Variants in PRKD3 observed in about 807,000 individuals in gnomAD.
PRKD3 encodes serine/threonine-protein kinase D3.
In PRKD3, 47 loss-of-function variants were observed where a neutral mutation model predicts 99.2. That is an observed-to-expected ratio of 0.47 (90% CI 0.38 to 0.60). The LOEUF is 0.60. Among genes scored for constraint, PRKD3 ranks in the 20% least tolerant of loss-of-function variants. PRKD3 has a pLI of 0.00. For missense variants in PRKD3, 1,019 were observed against 1,088.4 expected, an observed-to-expected ratio of 0.94 and a Z score of 0.90; for synonymous variants, 392 against 355.4, an observed-to-expected ratio of 1.10 and a Z score of -1.16.
chr2:37,270,213 G>A (rs1257909082), intron 12 of PRKD3, among the ~76,000 whole-genome samples: 3 of 151,694 alleles, frequency 2.0e-5, no homozygotes, highest in African/African-American at 7.3e-5. Context: ...GGCAACAAGA[G>A]CGAGACTCCA....
chr2:37,262,400 T>C (rs114068981), intron 14 of PRKD3, among the ~76,000 whole-genome samples: 3,584 of 152,318 alleles, frequency 0.024, 61 homozygotes, highest in South Asian at 0.051. Flanking sequence ...ATCTGCATCA[T>C]AGTAGGTGTT....
At chr2:37,281,665 T>C (rs1669863205) in intron 7 of PRKD3, among the ~76,000 whole-genome samples, 1 of 152,216 alleles carries the variant, frequency 6.6e-6, no homozygotes, top group South Asian at 2.1e-4. Flanking sequence ...GTTGTTTATA[T>C]GCTACCTAGC....
At chr2:37,284,960 T>C (rs1302374116) in intron 6 of PRKD3, among the ~76,000 whole-genome samples, 1 of 152,178 alleles carries the variant, frequency 6.6e-6, no homozygotes, top group African/African-American at 2.4e-5. Flanking sequence ...AGCTTTATTT[T>C]CTTATATGCT....
Position 37,289,418 on chromosome 2 carries a change from C to G in PRKD3, c.655G>C (p.Gly219Arg). Residue 219 changes from glycine (G) to arginine (R), a missense_variant, in exon 5 of 19, where the codon GGA (glycine) becomes CGA (arginine). This residue lies in a region of PRKD3 where 710 missense variants were observed against 692.7 expected (regional missense o/e 1.02). Transcript: ENST00000234179. ...GGTCTTGGAACTGAGAGGCCGGGTC[C>G]TGGTAAAGATACATTTGACAGACGT... Reference protein sequence around the residue: ...KRRLSNVSLPGPGLSVPRPLQ... With the variant: ...KRRLSNVSLPRPGLSVPRPLQ... 1 of 1,614,036 alleles carries G rather than the reference C, an allele frequency of 6.2e-7. No individual in the cohort carries two copies. Among genetic ancestry groups the G allele is most frequent in the Non-Finnish European group, 8.5e-7 (1 of 1,179,976 alleles).
rs765680797 is a variant in PRKD3, at chr2:37,254,281, G to C, written c.2422C>G (p.Leu808Val). ...WREISGEAID[L>V]INNLLQVKMR... is the part of the protein sequence containing the mutation. ...TTCACTTGAAGCAGATTGTTTATCA[G>C]ATCAATTGCTAAGGGAAAAGACAAA... is the stretch of plus-strand genomic sequence containing the variant. The change falls in exon 18 of 19, where the codon CTG becomes GTG. Residue 808 changes from leucine (L) to valine (V), a missense_variant. Transcript: ENST00000234179. 1 of 1,612,498 alleles carries C rather than the reference G, an allele frequency of 6.2e-7. No homozygotes were observed. Among genetic ancestry groups the C allele is most frequent in the Non-Finnish European group, 8.5e-7 (1 of 1,178,606 alleles).
chr2:37,305,509 C>A (rs1671120778), intron 2 of PRKD3, among the ~76,000 whole-genome samples: 1 of 152,170 alleles, frequency 6.6e-6, no homozygotes, highest in Non-Finnish European at 1.5e-5. Context: ...TTCTAAGCCT[C>A]TTAGCAATAT....
chr2:37,277,914 T>G lies in PRKD3; in HGVS notation c.1248A>C (p.Thr416=), dbSNP rs370717164. ...SIKHTKRKSS[T]MVKEGWMVHY... ...GGACCATCCACCCTTCCTTCACCAT[T>G]GTGCTGCTCTTCCTCTTTGTGTGCT... is the stretch of plus-strand genomic sequence containing the variant. The change falls in exon 9 of 19, where the codon ACA becomes ACC. Residue 416 remains threonine, a synonymous_variant. Transcript: ENST00000234179. The G allele has an allele frequency of 6.2e-7, 1 of 1,613,676 alleles. No homozygotes were observed. Among genetic ancestry groups the G allele is most frequent in the African/African-American group, 1.3e-5 (1 of 74,918 alleles).
intron 2 of PRKD3, among the ~76,000 whole-genome samples, chr2:37,299,511 T>TAC (rs70949749): frequency 0.065 from 8,635 of 132,292 alleles, 273 homozygotes; most frequent in African/African-American, 0.087. Flanking sequence ...TCTACTAAAA[T>TAC]ACACACACAC....
chr2:37,308,882 A>G (rs1671291163), intron 2 of PRKD3, among the ~76,000 whole-genome samples: 1 of 152,198 alleles, frequency 6.6e-6, no homozygotes, highest in South Asian at 2.1e-4. Flanking sequence ...GGCATACCTA[A>G]AAGTACCTTG....
At chr2:37,270,861 T>C (rs999434300) in intron 12 of PRKD3, among the ~76,000 whole-genome samples, 6 of 152,224 alleles carry the variant, frequency 3.9e-5, no homozygotes, top group Admixed American at 3.3e-4. Flanking sequence ...TATGTGTATA[T>C]ATATTTGTTA....
chr2:37,286,377 A>G lies in PRKD3; in HGVS notation c.718-8T>C, dbSNP rs751857117. The G allele has an allele frequency of 8.1e-6, 13 of 1,610,764 alleles. No individual in the cohort carries two copies. Among genetic ancestry groups the G allele is most frequent in the Admixed American group, 5.0e-5 (3 of 59,942 alleles). ...TTCCTGGTGGACATGTGACTATAAC[A>G]TAAGTAATTTTCATAAGTGTAAGTC... On this transcript the variant is annotated splice_polypyrimidine_tract_variant and splice_region_variant and intron_variant, in intron 5 of 18. Coordinates refer to ENST00000234179, the MANE Select transcript of PRKD3 (RefSeq NM_005813.6).
chr2:37,270,174 C>G (rs1376095585), intron 12 of PRKD3, among the ~76,000 whole-genome samples: 1 of 151,870 alleles, frequency 6.6e-6, no homozygotes, highest in Non-Finnish European at 1.5e-5. Context: ...TTGTGGTGAG[C>G]CAAGACTGTG....
At position 37,316,745 on chromosome 2, in the gene PRKD3, A is replaced by T; in HGVS notation, c.-221T>A. Reference sequence around the variant, plus strand: ...TCTCTTAATATCAGTCCCATCAAAAAGCAGTCTTGTCTGTAGGAAGACAAC... The same window carrying T: ...TCTCTTAATATCAGTCCCATCAAAATGCAGTCTTGTCTGTAGGAAGACAAC... On this transcript the variant is annotated 5_prime_UTR_variant, in exon 2 of 19. Transcript: ENST00000234179. 1 of 1,381,810 alleles carries T rather than the reference A, an allele frequency of 7.2e-7. No individual in the cohort carries two copies. The highest frequency in any genetic ancestry group is 2.8e-5 in the East Asian group (1 of 35,970). 85.6% of individuals were successfully genotyped at this position (1,381,810 alleles called of 1,614,324 possible).
In PRKD3 at chr2:37,252,832, A is replaced by ATATTT. The variant is rs1667601880; in HGVS notation, c.*344_*345insAAATA. On this transcript the variant is annotated 3_prime_UTR_variant, in exon 19 of 19. Transcript: ENST00000234179. Reference sequence around the variant, plus strand: ...TTGTTTTTCATTAAAAAAACAAACAAACATATATTTATATTTATATATATA... The same window carrying ATATTT: ...TTGTTTTTCATTAAAAAAACAAACAATATTTACATATATTTATATTTATATATATA... 8.7e-6 allele frequency: 1 copy of ATATTT among 115,090 alleles called. No homozygotes were observed. Among genetic ancestry groups the ATATTT allele is most frequent in the Non-Finnish European group, 1.8e-5 (1 of 55,424 alleles). 7.1% of individuals were successfully genotyped at this position (115,090 alleles called of 1,614,324 possible).
chr2:37,307,889 G>C (rs966491330), intron 2 of PRKD3, among the ~76,000 whole-genome samples: 1 of 152,284 alleles, frequency 6.6e-6, no homozygotes, highest in East Asian at 1.9e-4. Context: ...AAAAACCTCA[G>C]TGTATATGTT....
intron 4 of PRKD3, 126 bp downstream of exon 4, chr2:37,290,740 ATC>A: frequency 9.8e-7 from 1 of 1,019,114 alleles, no homozygotes; most frequent in Non-Finnish European, 1.4e-6. Context: ...GAGAGTCCTG[ATC>A]TCTCCAATTC....
chr2:37,293,991 T>C (rs999148859), intron 2 of PRKD3, among the ~76,000 whole-genome samples: 1 of 152,256 alleles, frequency 6.6e-6, no homozygotes, highest in Non-Finnish European at 1.5e-5. Flanking sequence ...CCATCAGTCT[T>C]GGATCTTATG....
intron 1 of PRKD3, among the ~76,000 whole-genome samples, chr2:37,322,820 A>T (rs1442080740): frequency 2.0e-5 from 3 of 152,226 alleles, no homozygotes; most frequent in African/African-American, 7.2e-5. Context: ...CTCAAAGTAC[A>T]ATCATCACAG....
Position 37,269,604 on chromosome 2 carries a change from T to C in PRKD3, c.1777+11A>G, listed in dbSNP as rs1412527207. The C allele has an allele frequency of 3.8e-6, 6 of 1,599,758 alleles. No homozygotes were observed. Among genetic ancestry groups the C allele is most frequent in the African/African-American group, 2.7e-5 (2 of 74,584 alleles). The stretch of plus-strand genomic sequence containing the variant: ...AATGTGTACAATATGCAAACGGCTG[T>C]AGTTGCTTACCTCCATAAACGATGC... On this transcript the variant is annotated intron_variant, in intron 13 of 18. Transcript: ENST00000234179.
Sources: gnomAD v4.1 joint callset for allele counts (sites outside exome capture counted in the v4.1 genomes callset) on GRCh38, gnomAD v4.1.1 for gene constraint, gnomAD v4.1.1 regional missense constraint, MANE v1.5 for transcripts, NCBI Gene and HGNC (gene_info 2026-07-23, HGNC 2026-07-21) for gene names.